SHROOM2: variants seen among roughly 807,000 people sequenced by gnomAD.
SHROOM2 encodes protein Shroom2.
A neutral mutation model predicts 75.9 loss-of-function variants in SHROOM2; 33 were observed. The ratio of observed to expected loss-of-function variants is 0.43; its 90% CI spans 0.33 to 0.58. SHROOM2 has a LOEUF of 0.58. Ranked by LOEUF, SHROOM2 falls within the 20% of genes least tolerant of loss-of-function variation. SHROOM2 has a pLI of 0.04. For synonymous variants in SHROOM2, 655 were observed against 663.6 expected, an observed-to-expected ratio of 0.99 and a Z score of 0.20; for missense variants, 1,434 against 1,461.2, an observed-to-expected ratio of 0.98 and a Z score of 0.30.
chrX:9,794,527 G>A (rs1347811286), intron 1 of SHROOM2, among the ~76,000 whole-genome samples: 1 of 110,795 alleles, frequency 9.0e-6, no homozygotes, highest in Non-Finnish European at 1.9e-5. Flanking sequence ...CTGCCACTAC[G>A]CCTGGTTAAT....
chrX:9,912,198 GACACACACACACACACAC>G lies in SHROOM2; in HGVS notation c.2891+13944_2891+13961del, dbSNP rs57939278. The stretch of plus-strand genomic sequence containing the variant: ...AGCCTTTTGGGGTTTTAAATTACAA[GACACACACACACACACAC>G]ACACACACACACACACACACACACA... On this transcript the variant is annotated intron_variant, in intron 5 of 9. Transcript: ENST00000380913. 7.5e-3 allele frequency among the ~76,000 whole-genome samples: 121 copies of G among 16,139 alleles called. 5 individuals carry two copies. The highest frequency in any genetic ancestry group is 0.023 in the African/African-American group (107 of 4,676). The allele number at this position is 16,139 out of a possible 115,157, so 14.0% of individuals were successfully genotyped here.
chrX:9,894,774 A>G lies in SHROOM2; in HGVS notation c.866A>G (p.Lys289Arg). The change falls in exon 4 of 10, where the codon AAG becomes AGG. Residue 289 changes from lysine to arginine, a missense_variant. Lys to Arg is a conservative substitution (Grantham distance 26). Coordinates refer to ENST00000380913, the MANE Select transcript of SHROOM2 (RefSeq NM_001649.4). ...GPRPEYNAEP[K>R]LAAPGRSNFG... ...AGGCCAGAGTACAATGCCGAGCCCA[A>G]GCTGGCTGCCCCTGGGAGGTCCAAT... The G allele has an allele frequency of 8.3e-7, 1 of 1,211,830 alleles. No individual in the cohort carries two copies. The highest frequency in any genetic ancestry group is 1.1e-6 in the Non-Finnish European group (1 of 895,482).
intron 5 of SHROOM2, among the ~76,000 whole-genome samples, chrX:9,922,743 G>A (rs1190587854): frequency 9.0e-6 from 1 of 110,841 alleles, no homozygotes; most frequent in African/African-American, 3.3e-5. Context: ...TGGGAGCGGT[G>A]GACTGGCTGG....
intron 1 of SHROOM2, among the ~76,000 whole-genome samples, chrX:9,866,540 T>C (rs2084139865): frequency 9.0e-6 from 1 of 111,333 alleles, no homozygotes; most frequent in Non-Finnish European, 1.9e-5. Flanking sequence ...CTTCCCAGCC[T>C]CTGGAGTTGG....
At chrX:9,939,459 C>A in intron 8 of SHROOM2, 93 bp downstream of exon 8, 1 of 792,344 alleles carries the variant, frequency 1.3e-6, no homozygotes, top group Non-Finnish European at 1.8e-6. Flanking sequence ...AGACCCTGCA[C>A]CACGTGTCCC....
intron 2 of SHROOM2, among the ~76,000 whole-genome samples, chrX:9,884,667 C>A (rs2084250969): frequency 3.6e-5 from 2 of 54,979 alleles, no homozygotes; most frequent in African/African-American, 1.2e-4. Flanking sequence ...GTGTTCTAAA[C>A]CCTGTCCTTT....
At position 9,903,582 on chromosome X, in the gene SHROOM2, C is replaced by T. The variant is rs147011019; in HGVS notation, c.2891+5292C>T. ...TTTTTGAGACAGGGTCTCGCCCTGT[C>T]ACCCAGGCTGGAGTGCAGTAGTGCG... On this transcript the variant is annotated intron_variant, in intron 5 of 9. Coordinates refer to ENST00000380913, the MANE Select transcript of SHROOM2 (RefSeq NM_001649.4). Among the ~76,000 whole-genome samples the T allele has an allele frequency of 9.7e-3, 1,079 of 111,525 alleles. 19 individuals are homozygous for T. Among genetic ancestry groups the T allele is most frequent in the African/African-American group, 0.033 (1,011 of 30,666 alleles).
intron 1 of SHROOM2, among the ~76,000 whole-genome samples, chrX:9,858,525 C>G (rs1408137331): frequency 8.9e-6 from 1 of 112,465 alleles, no homozygotes; most frequent in Non-Finnish European, 1.9e-5. Context: ...AGTGAGGCCG[C>G]GCACGGTGGC....
At chrX:9,900,666 CT>C (rs111894148) in intron 5 of SHROOM2, among the ~76,000 whole-genome samples, 2 of 110,336 alleles carry the variant, frequency 1.8e-5, no homozygotes, top group Non-Finnish European at 3.8e-5. Flanking sequence ...AGTGATGATA[CT>C]TTTTTTTTAA....
At chrX:9,811,658 C>T (rs943288774) in intron 1 of SHROOM2, among the ~76,000 whole-genome samples, 1 of 112,315 alleles carries the variant, frequency 8.9e-6, no homozygotes, top group Admixed American at 9.4e-5. Flanking sequence ...GCTCCAAGTT[C>T]TGCCCACTGG....
intron 5 of SHROOM2, among the ~76,000 whole-genome samples, chrX:9,920,103 A>C (rs1049348238): frequency 2.7e-3 from 212 of 78,787 alleles, no homozygotes; most frequent in African/African-American, 0.012. Flanking sequence ...GACATCTCAA[A>C]TCACTACAAC....
At chrX:9,819,359 G>A in intron 1 of SHROOM2, 1 of 485,183 alleles carries the variant, frequency 2.1e-6, no homozygotes, top group East Asian at 3.5e-5. Flanking sequence ...TGTCAGTCAT[G>A]TTGACTATAA....
chrX:9,789,453 C>G (rs2083635376), intron 1 of SHROOM2, among the ~76,000 whole-genome samples: 1 of 111,390 alleles, frequency 9.0e-6, no homozygotes, highest in African/African-American at 3.3e-5. Flanking sequence ...CCCATATTTC[C>G]ATGCTGTTGT....
intron 5 of SHROOM2, chrX:9,913,052 A>G (rs2084446218): frequency 8.9e-6 from 1 of 112,393 alleles, no homozygotes; most frequent in African/African-American, 3.2e-5. Flanking sequence ...AGCCCTTGGT[A>G]TGTGGGACCC....
chrX:9,797,061 A>C (rs528040078), intron 1 of SHROOM2, among the ~76,000 whole-genome samples: 4 of 112,177 alleles, frequency 3.6e-5, no homozygotes, highest in South Asian at 7.4e-4. Context: ...GGAGTAGAAA[A>C]TCTGTTAGGG....
At chrX:9,922,511 A>G (rs895889516) in intron 5 of SHROOM2, among the ~76,000 whole-genome samples, 9 of 109,409 alleles carry the variant, frequency 8.2e-5, no homozygotes, top group Middle Eastern at 9.4e-3. Context: ...TGTAAACTGG[A>G]CCCTACTTGT....
chrX:9,811,900 T>C (rs2083793513), intron 1 of SHROOM2, among the ~76,000 whole-genome samples: 3 of 111,302 alleles, frequency 2.7e-5, no homozygotes, highest in African/African-American at 9.8e-5. Flanking sequence ...TTTGAGCCAT[T>C]TCCTCATGTA....
At chrX:9,904,012 G>C (rs1569164090) in intron 5 of SHROOM2, among the ~76,000 whole-genome samples, 1 of 111,217 alleles carries the variant, frequency 9.0e-6, no homozygotes, top group Admixed American at 9.6e-5. Context: ...GATAGTTTAT[G>C]GTTACAGGAT....
rs971102137 is a variant in SHROOM2, at chrX:9,894,619, C to T, written c.711C>T (p.Tyr237=). 8.3e-7 allele frequency: 1 copy of T among 1,210,824 alleles called. No individual in the cohort carries two copies. The highest frequency in any genetic ancestry group is 1.7e-5 in the African/African-American group (1 of 57,463). The change falls in exon 4 of 10, where the codon TAC becomes TAT. Residue 237 remains tyrosine, a synonymous_variant. Transcript: ENST00000380913. ...ADTSSAENIL[Y]TVGLWEAPRQ... is the part of the protein sequence containing the mutation. ...CGTCCTCCGCAGAGAACATCCTCTA[C>T]ACTGTGGGCCTCTGGGAGGCTCCCA...
Sources: gnomAD v4.1 joint callset for allele counts (sites outside exome capture counted in the v4.1 genomes callset) on GRCh38, gnomAD v4.1.1 for gene constraint, MANE v1.5 for transcripts, NCBI Gene and HGNC (gene_info 2026-07-23, HGNC 2026-07-21) for gene names.